The following MAP3K5 variants were observed in gnomAD, a reference collection of about 807,000 sequenced individuals.
MAP3K5 encodes ASK-1.
MAP3K5 carries 56 observed loss-of-function variants against 158.7 expected under a neutral mutation model. The ratio of observed to expected loss-of-function variants is 0.35; its 90% CI spans 0.28 to 0.44. The LOEUF is 0.44. Ranked by LOEUF, MAP3K5 falls within the 20% of genes least tolerant of loss-of-function variation. The pLI is 1.00. For synonymous variants in MAP3K5, 579 were observed against 601.7 expected, an observed-to-expected ratio of 0.96 and a Z score of 0.55; for missense variants, 1,294 against 1,674.8, an observed-to-expected ratio of 0.77 and a Z score of 3.97.
chr6:136,602,080 C>T, intron 19 of MAP3K5, 101 bp from the exon 20 acceptor site: 1 of 855,752 alleles, frequency 1.2e-6, no homozygotes. Context: ...AACAAGATCC[C>T]TTATCATACA....
At chr6:136,776,918 A>T (rs2115025201) in intron 1 of MAP3K5, among the ~76,000 whole-genome samples, 1 of 152,360 alleles carries the variant, frequency 6.6e-6, no homozygotes, top group African/African-American at 2.4e-5. Context: ...GTCCTTGGGT[A>T]ACCCACTCAT....
chr6:136,684,999 T>C (rs1780086584), intron 7 of MAP3K5, among the ~76,000 whole-genome samples: 2 of 152,116 alleles, frequency 1.3e-5, no homozygotes, highest in African/African-American at 4.8e-5. Flanking sequence ...TGCAACAATA[T>C]ACTGTAATTC....
At chr6:136,593,217 C>G (rs1401418543) in intron 21 of MAP3K5, among the ~76,000 whole-genome samples, 1 of 152,196 alleles carries the variant, frequency 6.6e-6, no homozygotes, top group African/African-American at 2.4e-5. Flanking sequence ...ACTAGATGAT[C>G]TCTTAGGTCT....
At chr6:136,758,010 CTAAA>C (rs1320607660) in intron 1 of MAP3K5, among the ~76,000 whole-genome samples, 1 of 152,198 alleles carries the variant, frequency 6.6e-6, no homozygotes, top group Non-Finnish European at 1.5e-5. Context: ...AGTATTAGAA[CTAAA>C]TAGCCTTTCT....
At chr6:136,716,942 G>C (rs1781556642) in intron 2 of MAP3K5, among the ~76,000 whole-genome samples, 1 of 152,098 alleles carries the variant, frequency 6.6e-6, no homozygotes. Flanking sequence ...CAGATTACTT[G>C]AGGTCAGGAG....
At chr6:136,697,424 T>C (rs747179641) in intron 4 of MAP3K5, 37 bp from the exon 5 acceptor site, 6 of 1,507,916 alleles carry the variant, frequency 4.0e-6, no homozygotes, top group Non-Finnish European at 2.7e-6. Context: ...AGTTTGACAT[T>C]AGAAACAATT....
rs117391643 is a variant in MAP3K5 at position 136,733,849 on chromosome 6, A to G, written c.449-13260T>C. 2.1e-3 allele frequency among the ~76,000 whole-genome samples: 326 copies of G among 152,114 alleles called. 6 individuals carry two copies. In the South Asian group the frequency reaches 0.032, roughly 15 times the overall value. Reference sequence around the variant, plus strand: ...CATTAGGGTTCACTCTTGATGCTGTACATTCTTTGGGTTTAGATAAATTTA... The same window carrying G: ...CATTAGGGTTCACTCTTGATGCTGTGCATTCTTTGGGTTTAGATAAATTTA... On this transcript the variant is annotated intron_variant, in intron 1 of 29. Coordinates refer to ENST00000359015, the MANE Select transcript of MAP3K5 (RefSeq NM_005923.4).
rs190804217 is a variant in MAP3K5 at position 136,654,523 on chromosome 6, C to T, written c.1680+1784G>A. On this transcript the variant is annotated intron_variant, in intron 10 of 29. Coordinates refer to ENST00000359015, the MANE Select transcript of MAP3K5 (RefSeq NM_005923.4). ...CTGCAATGGCATGGTATCGGCTCACCGCAACCTCTGCCTCCCAGGTTCAAG... is the reference window on the plus strand; with the variant it reads ...CTGCAATGGCATGGTATCGGCTCACTGCAACCTCTGCCTCCCAGGTTCAAG... Among the ~76,000 whole-genome samples, 18 of 151,956 alleles carry T rather than the reference C, an allele frequency of 1.2e-4. No individual in the cohort carries two copies. In the East Asian group the frequency reaches 1.9e-3, roughly 16 times the overall value.
At chr6:136,662,011 T>C (rs1485635388) in intron 8 of MAP3K5, among the ~76,000 whole-genome samples, 1 of 152,246 alleles carries the variant, frequency 6.6e-6, no homozygotes, top group Non-Finnish European at 1.5e-5. Flanking sequence ...TTTTAGCATA[T>C]GGATGTATCA....
chr6:136,582,264 G>A (rs1166118362), intron 24 of MAP3K5, among the ~76,000 whole-genome samples: 4 of 1,078 alleles, frequency 3.7e-3, no homozygotes, highest in African/African-American at 0.013. Flanking sequence ...GTGTGTATAC[G>A]TGTGTGTGTG....
intron 1 of MAP3K5, among the ~76,000 whole-genome samples, chr6:136,739,655 C>T (rs1782628736): frequency 6.6e-6 from 1 of 152,164 alleles, no homozygotes; most frequent in Non-Finnish European, 1.5e-5. Flanking sequence ...AGGTCCTAGA[C>T]CATATGGACA....
In MAP3K5 at chr6:136,690,986, G is replaced by T. The variant is rs1010444522; in HGVS notation, c.1253+3154C>A. The stretch of plus-strand genomic sequence containing the variant: ...GGATATAGAGTTCTTGCTTGATTGG[G>T]TTTTTTTCTTTCAGCACTTTAATGT... On this transcript the variant is annotated intron_variant, in intron 7 of 29. Coordinates refer to ENST00000359015, the MANE Select transcript of MAP3K5 (RefSeq NM_005923.4). Among the ~76,000 whole-genome samples the T allele has an allele frequency of 3.3e-5, 5 of 151,890 alleles. 1 individual carries two copies. The South Asian group carries it at 1.0e-3, about 32-fold the overall frequency.
Position 136,592,502 on chromosome 6 carries a change from A to G in MAP3K5, c.2991T>C (p.Ser997=), listed in dbSNP as rs769472122. 2 of 1,614,096 alleles carry G rather than the reference A, an allele frequency of 1.2e-6. No individual in the cohort carries two copies. The highest frequency in any genetic ancestry group is 2.2e-5 in the South Asian group (2 of 91,080). Residue 997 remains serine (S), a synonymous_variant, in exon 22 of 30, where the codon TCT becomes TCC. Coordinates refer to ENST00000359015, the MANE Select transcript of MAP3K5 (RefSeq NM_005923.4). ...CGCAGGACTTGGCTCTTGTTTTGAAAGAGAAGGGGTCCACTTTCAACTCCG... is the reference window on the plus strand; with the variant it reads ...CGCAGGACTTGGCTCTTGTTTTGAAGGAGAAGGGGTCCACTTTCAACTCCG... The part of the protein sequence containing the change: ...PDTELKVDPF[S]FKTRAKSCGE...
In MAP3K5 at chr6:136,778,188, T is replaced by C. The variant is rs527954691; in HGVS notation, c.448+13522A>G. Among the ~76,000 whole-genome samples the C allele has an allele frequency of 3.9e-5, 6 of 152,284 alleles. No individual in the cohort carries two copies. The East Asian group carries it at 1.2e-3, about 29-fold the overall frequency. On this transcript the variant is annotated intron_variant, in intron 1 of 29. Transcript: ENST00000359015. Reference sequence around the variant, plus strand: ...ATATTTTACCTGTATTTATAAGAGATCTGAAAGGTTTTTAATACAATCTTG... The same window carrying C: ...ATATTTTACCTGTATTTATAAGAGACCTGAAAGGTTTTTAATACAATCTTG...
chr6:136,647,056 T>A (rs1304719509), intron 11 of MAP3K5, among the ~76,000 whole-genome samples: 1 of 152,252 alleles, frequency 6.6e-6, no homozygotes, highest in Non-Finnish European at 1.5e-5. Context: ...GATTAAGTTG[T>A]ATACTTTTCT....
intron 23 of MAP3K5, 60 bp downstream of exon 23, chr6:136,592,113 G>GT: frequency 6.9e-7 from 1 of 1,452,184 alleles, no homozygotes; most frequent in Non-Finnish European, 9.3e-7. Flanking sequence ...GCTGCAGGCG[G>GT]TTAGGACACA....
At chr6:136,784,180 G>T (rs1784741957) in intron 1 of MAP3K5, among the ~76,000 whole-genome samples, 1 of 152,178 alleles carries the variant, frequency 6.6e-6, no homozygotes, top group Admixed American at 6.5e-5. Context: ...AATGTCTCAA[G>T]CAGACAACAG....
chr6:136,716,930 G>GGCAGATTACTT (rs1781555751), intron 2 of MAP3K5, among the ~76,000 whole-genome samples: 1 of 152,040 alleles, frequency 6.6e-6, no homozygotes, highest in Admixed American at 6.5e-5. Context: ...GGCCGAGGTG[G>GGCAGATTACTT]GCAGATTACT....
At chr6:136,700,132 A>T (rs965808515) in intron 3 of MAP3K5, among the ~76,000 whole-genome samples, 7 of 152,152 alleles carry the variant, frequency 4.6e-5, no homozygotes, top group African/African-American at 1.7e-4. Flanking sequence ...GAAGGAAAGA[A>T]GAAGGGAGGA....
Sources: allele counts gnomAD v4.1 joint callset (sites outside exome capture counted in the v4.1 genomes callset), GRCh38; gene constraint gnomAD v4.1.1; transcripts MANE v1.5; gene names NCBI Gene and HGNC (gene_info 2026-07-23, HGNC 2026-07-21).